Variants in ERBB4 observed in about 807,000 individuals in gnomAD.
The protein encoded by ERBB4 is erb-b2 receptor tyrosine kinase 4.
A neutral mutation model predicts 158.0 loss-of-function variants in ERBB4; 42 were observed. The ratio of observed to expected loss-of-function variants is 0.27; its 90% CI spans 0.21 to 0.34. ERBB4 has a LOEUF of 0.34. Among genes scored for constraint, ERBB4 ranks in the 10% least tolerant of loss-of-function variants. The probability of loss-of-function intolerance (pLI) is 1.00; values close to 1 mark genes in which losing one functional copy is unlikely to be tolerated. For synonymous variants in ERBB4, 583 were observed against 558.7 expected, an observed-to-expected ratio of 1.04 and a Z score of -0.61; for missense variants, 1,333 against 1,624.1, an observed-to-expected ratio of 0.82 and a Z score of 3.08.
At chr2:211,615,543 C>T (rs531067441) in intron 19 of ERBB4, among the ~76,000 whole-genome samples, 1 of 152,140 alleles carries the variant, frequency 6.6e-6, no homozygotes, top group South Asian at 2.1e-4. Flanking sequence ...TTATTATTGT[C>T]ATTATGAATC....
Position 211,515,577 on chromosome 2 carries a change from G to A in ERBB4, c.2487+46326C>T, listed in dbSNP as rs369221591. Reference sequence around the variant, plus strand: ...AAGTTAGACACATTGAATATGCCTCGGGGATGTTAGATGTTTGGAATTTGG... The same window carrying A: ...AAGTTAGACACATTGAATATGCCTCAGGGATGTTAGATGTTTGGAATTTGG... On this transcript the variant is annotated intron_variant, in intron 20 of 27. Coordinates refer to ENST00000342788, the MANE Select transcript of ERBB4 (RefSeq NM_005235.3). Among the ~76,000 whole-genome samples the A allele has an allele frequency of 1.3e-4, 20 of 151,994 alleles. No homozygotes were observed. The East Asian group carries it at 3.3e-3, about 25-fold the overall frequency.
At chr2:212,466,511 T>C (rs1026218283) in intron 1 of ERBB4, among the ~76,000 whole-genome samples, 4 of 152,112 alleles carry the variant, frequency 2.6e-5, no homozygotes, top group Admixed American at 1.3e-4. Flanking sequence ...GATCTGGTGG[T>C]TTTAAAAATG....
At chr2:211,569,217 T>C (rs1289525277) in intron 19 of ERBB4, among the ~76,000 whole-genome samples, 1 of 152,242 alleles carries the variant, frequency 6.6e-6, no homozygotes, top group Non-Finnish European at 1.5e-5. Context: ...TGCCACTTCA[T>C]TGAAGACCTT....
intron 7 of ERBB4, among the ~76,000 whole-genome samples, chr2:211,718,707 C>T (rs971352288): frequency 4.6e-5 from 7 of 151,286 alleles, no homozygotes; most frequent in African/African-American, 1.5e-4. Context: ...TACACTTATT[C>T]ACACATAAAT....
At chr2:211,508,131 A>C (rs1279302678) in intron 20 of ERBB4, among the ~76,000 whole-genome samples, 1 of 152,146 alleles carries the variant, frequency 6.6e-6, no homozygotes, top group Non-Finnish European at 1.5e-5. Flanking sequence ...AAAATTGACA[A>C]ATGGGATCTA....
chr2:211,508,866 C>G (rs867829867), intron 20 of ERBB4, among the ~76,000 whole-genome samples: 1 of 151,892 alleles, frequency 6.6e-6, no homozygotes, highest in East Asian at 1.9e-4. Context: ...GGAGGCGGAG[C>G]TTGCAGTGAG....
chr2:211,547,474 C>A (rs901298213), intron 20 of ERBB4, among the ~76,000 whole-genome samples: 2 of 152,042 alleles, frequency 1.3e-5, no homozygotes, highest in Non-Finnish European at 2.9e-5. Context: ...AAATCGCATG[C>A]ACACACCTGA....
chr2:212,127,328 C>T lies in ERBB4; in HGVS notation c.83-2425G>A, dbSNP rs368904517. ...ATATTTTTTGCTGGGTGCAGCGGCT[C>T]ATGCCTGTAATCCCAGCACTTTGGG... On this transcript the variant is annotated intron_variant, in intron 1 of 27. Transcript: ENST00000342788. 3.3e-4 allele frequency among the ~76,000 whole-genome samples: 50 copies of T among 152,334 alleles called. 1 individual carries two copies. The highest frequency in any genetic ancestry group is 1.1e-3 in the African/African-American group (47 of 41,574).
At chr2:211,398,857 G>A (rs2062975838) in intron 25 of ERBB4, among the ~76,000 whole-genome samples, 1 of 152,106 alleles carries the variant, frequency 6.6e-6, no homozygotes, top group Admixed American at 6.6e-5. Flanking sequence ...AAAACTGCAA[G>A]ACCTACTGTT....
At chr2:211,620,296 G>T (rs2125849482) in intron 18 of ERBB4, among the ~76,000 whole-genome samples, 1 of 152,200 alleles carries the variant, frequency 6.6e-6, no homozygotes, top group Admixed American at 6.5e-5. Flanking sequence ...ACATTAAAAT[G>T]AAAGAATGAA....
At chr2:211,942,313 A>T (rs73989231) in intron 3 of ERBB4, among the ~76,000 whole-genome samples, 4 of 151,742 alleles carry the variant, frequency 2.6e-5, no homozygotes, top group Non-Finnish European at 4.4e-5. Flanking sequence ...TACATGTTGT[A>T]GTTTCTGGAT....
At chr2:211,715,526 G>A (rs182689126) in intron 7 of ERBB4, among the ~76,000 whole-genome samples, 235 of 152,250 alleles carry the variant, frequency 1.5e-3, no homozygotes, top group African/African-American at 5.5e-3. Flanking sequence ...ATCTCATGTC[G>A]AATTATAATC....
intron 4 of ERBB4, among the ~76,000 whole-genome samples, chr2:211,761,000 T>C (rs1269078179): frequency 6.6e-6 from 1 of 151,860 alleles, no homozygotes; most frequent in African/African-American, 2.4e-5. Context: ...GGTCAGGAGA[T>C]CCTGGTCAAC....
At chr2:211,471,833 G>T (rs558883624) in intron 20 of ERBB4, among the ~76,000 whole-genome samples, 1 of 152,160 alleles carries the variant, frequency 6.6e-6, no homozygotes, top group Non-Finnish European at 1.5e-5. Flanking sequence ...TTAATGAGTG[G>T]AACAGGAAGA....
At chr2:212,050,666 T>C (rs2077375520) in intron 2 of ERBB4, among the ~76,000 whole-genome samples, 1 of 152,202 alleles carries the variant, frequency 6.6e-6, no homozygotes, top group African/African-American at 2.4e-5. Context: ...CACTGTAAAA[T>C]TAAGTATTAC....
intron 3 of ERBB4, among the ~76,000 whole-genome samples, chr2:211,860,205 T>C (rs1368395693): frequency 6.6e-6 from 1 of 152,170 alleles, no homozygotes; most frequent in African/African-American, 2.4e-5. Context: ...GATTGTATGA[T>C]ACTGGACATA....
chr2:211,658,314 T>C (rs892920440), intron 15 of ERBB4, among the ~76,000 whole-genome samples: 1 of 152,204 alleles, frequency 6.6e-6, no homozygotes, highest in African/African-American at 2.4e-5. Flanking sequence ...AACAAATATG[T>C]TGATATTTCA....
At chr2:212,520,618 A>G (rs1028630863) in intron 1 of ERBB4, among the ~76,000 whole-genome samples, 1 of 151,936 alleles carries the variant, frequency 6.6e-6, no homozygotes, top group African/African-American at 2.4e-5. Flanking sequence ...CTAAAAAAAT[A>G]GCTTTCATTG....
intron 1 of ERBB4, among the ~76,000 whole-genome samples, chr2:212,293,375 TG>T (rs1485518126): frequency 2.6e-5 from 4 of 152,056 alleles, no homozygotes; most frequent in Non-Finnish European, 5.9e-5. Flanking sequence ...AATAAAAATC[TG>T]ATCTCATAAT....
Sources: allele counts gnomAD v4.1 joint callset (sites outside exome capture counted in the v4.1 genomes callset), GRCh38; gene constraint gnomAD v4.1.1; transcripts MANE v1.5; gene names NCBI Gene and HGNC (gene_info 2026-07-23, HGNC 2026-07-21).